EFCAB7: variants seen among roughly 807,000 people sequenced by gnomAD.
EFCAB7 encodes the protein EF-hand calcium-binding domain-containing protein 7.
EFCAB7 carries 66 observed loss-of-function variants against 77.1 expected under a neutral mutation model. That is an observed-to-expected ratio of 0.86 (90% CI 0.70 to 1.05). The LOEUF is 1.05. Among genes scored for constraint, EFCAB7 ranks in the 50% least tolerant of loss-of-function variants. The probability of loss-of-function intolerance (pLI) is 0.00; values close to 1 mark genes in which losing one functional copy is unlikely to be tolerated. For synonymous variants in EFCAB7, 225 were observed against 243.3 expected (o/e 0.92, Z 0.70); for missense variants, 638 against 730.5 (o/e 0.87, Z 1.46).
At position 63,555,348 on chromosome 1, in the gene EFCAB7, T is replaced by C. The variant is rs1400873158; in HGVS notation, c.1057-10T>C. 1 of 1,597,456 alleles carries C rather than the reference T, an allele frequency of 6.3e-7. No individual in the cohort carries two copies. Among genetic ancestry groups the C allele is most frequent in the Non-Finnish European group, 8.5e-7 (1 of 1,173,696 alleles). ...CTGATGATTGTTTTATTTCATTGTT[T>C]TGAGAAAAGGTGTTTGGATGGACTG... On this transcript the variant is annotated splice_polypyrimidine_tract_variant and intron_variant, in intron 8 of 13. Coordinates refer to ENST00000371088, the MANE Select transcript of EFCAB7 (RefSeq NM_032437.4).
chr1:63,524,912 A>C (rs1227742821), intron 1 of EFCAB7, among the ~76,000 whole-genome samples: 1 of 152,198 alleles, frequency 6.6e-6, no homozygotes, highest in Non-Finnish European at 1.5e-5. Context: ...TATTGTTATT[A>C]ATAAAGGAAC....
chr1:63,565,337 C>T (rs145237531), intron 11 of EFCAB7, among the ~76,000 whole-genome samples: 1,832 of 149,554 alleles, frequency 0.012, 30 homozygotes, highest in African/African-American at 0.043. Flanking sequence ...CCAGCCTGGG[C>T]GAGAGTGCGA....
downstream of EFCAB7, among the ~76,000 whole-genome samples, chr1:63,577,247 A>T (rs1557694311): frequency 6.6e-6 from 1 of 152,168 alleles, no homozygotes; most frequent in Non-Finnish European, 1.5e-5. Flanking sequence ...GTATGGTTCC[A>T]TTTCTCAAAA....
chr1:63,571,154 C>G (rs749117401), intron 13 of EFCAB7, 26 bp downstream of exon 13: 4 of 1,535,568 alleles, frequency 2.6e-6, no homozygotes, highest in Non-Finnish European at 3.5e-6. Flanking sequence ...CTAATTAAAG[C>G]CTTTTGTTTT....
chr1:63,547,202 G>A (rs1024239248), intron 7 of EFCAB7: 8 of 152,118 alleles, frequency 5.3e-5, no homozygotes, highest in African/African-American at 1.7e-4. Flanking sequence ...CAAATTCAGT[G>A]TAGTTGTTAA....
At chr1:63,561,957 T>G in intron 11 of EFCAB7, 100 bp downstream of exon 11, 3 of 820,062 alleles carry the variant, frequency 3.7e-6, no homozygotes, top group Non-Finnish European at 3.4e-6. Context: ...GGCACCCAAA[T>G]CTTTGAACTT....
chr1:63,551,515 C>A (rs966004500), intron 7 of EFCAB7, among the ~76,000 whole-genome samples: 1 of 151,824 alleles, frequency 6.6e-6, no homozygotes. Flanking sequence ...CGCTTGAACC[C>A]GGGAGGTGGA....
Position 63,572,563 on chromosome 1 carries a change from G to T in EFCAB7, c.*47G>T. ...CAAACTAAGAATTATTTCAGATTTAGTCTGTTATTTATTAAACAACTAAAT... is the reference window on the plus strand; with the variant it reads ...CAAACTAAGAATTATTTCAGATTTATTCTGTTATTTATTAAACAACTAAAT... On this transcript the variant is annotated 3_prime_UTR_variant, in exon 14 of 14. Transcript: ENST00000371088. 7.5e-7 allele frequency: 1 copy of T among 1,334,262 alleles called. No homozygotes were observed. The highest frequency in any genetic ancestry group is 1.0e-6 in the Non-Finnish European group (1 of 996,980). The allele number at this position is 1,334,262 out of a possible 1,614,324, so 82.7% of individuals were successfully genotyped here.
chr1:63,532,693 A>G lies in EFCAB7; in HGVS notation c.423A>G (p.Glu141=), dbSNP rs199986363. The change falls in exon 4 of 14, where the codon GAA becomes GAG. Residue 141 remains glutamate, a synonymous_variant. Transcript: ENST00000371088. ...AGAGAGGTGAGAAGATGACTCGAGA[A>G]GAAGTAAATGCCATAATAAATTTGG... The part of the protein sequence containing the change: ...LTKRGEKMTR[E]EVNAIINLAD... 15 of 1,602,762 alleles carry G rather than the reference A, an allele frequency of 9.4e-6. No individual in the cohort carries two copies. In the East Asian group the frequency reaches 2.9e-4, roughly 31 times the overall value.
At chr1:63,551,694 A>T in intron 7 of EFCAB7, 31 bp from the exon 8 acceptor site, 1 of 1,173,766 alleles carries the variant, frequency 8.5e-7, no homozygotes, top group South Asian at 1.7e-5. Context: ...TGCTTATTTT[A>T]AGGTGTTTGG....
chr1:63,567,742 GAGGCAA>G (rs2100927584), intron 11 of EFCAB7, among the ~76,000 whole-genome samples: 1 of 152,310 alleles, frequency 6.6e-6, no homozygotes, highest in East Asian at 1.9e-4. Context: ...GTTGGATGGA[GAGGCAA>G]AGGCTCTTTA....
At chr1:63,570,942 C>G in intron 12 of EFCAB7, 79 bp from the exon 13 acceptor site, 1 of 985,558 alleles carries the variant, frequency 1.0e-6, no homozygotes, top group Non-Finnish European at 1.5e-6. Context: ...AACAGAATTT[C>G]AGGGTTTATT....
chr1:63,534,045 T>C, intron 5 of EFCAB7, 50 bp from the exon 6 acceptor site: 8 of 1,606,138 alleles, frequency 5.0e-6, no homozygotes, highest in Non-Finnish European at 6.8e-6. Flanking sequence ...AAAAAACTCC[T>C]ATTGACAACT....
intron 6 of EFCAB7, among the ~76,000 whole-genome samples, chr1:63,539,369 TA>T (rs1646801683): frequency 6.6e-6 from 1 of 152,186 alleles, no homozygotes; most frequent in South Asian, 2.1e-4. Context: ...ATTTTTAAAG[TA>T]AGAAAACCAA....
chr1:63,562,971 G>A (rs1439527374), intron 11 of EFCAB7, among the ~76,000 whole-genome samples: 1 of 151,964 alleles, frequency 6.6e-6, no homozygotes, highest in Non-Finnish European at 1.5e-5. Flanking sequence ...TTTGGTGAGA[G>A]GTTCTCTATT....
chr1:63,577,757 A>G, the EFCAB7 span, among the ~76,000 whole-genome samples: 2 of 152,210 alleles, frequency 1.3e-5, no homozygotes, highest in Admixed American at 1.3e-4. Context: ...AGGGAATAAT[A>G]TTAAATCTTA....
intron 2 of EFCAB7, 48 bp downstream of exon 2, chr1:63,525,807 A>G (rs1377878149): frequency 7.7e-7 from 1 of 1,298,146 alleles, no homozygotes; most frequent in Non-Finnish European, 1.0e-6. Context: ...TTGAAAGTTA[A>G]TAAATAGGTC....
chr1:63,541,946 T>C (rs892899035), intron 6 of EFCAB7, among the ~76,000 whole-genome samples: 2 of 152,192 alleles, frequency 1.3e-5, no homozygotes, highest in African/African-American at 4.8e-5. Context: ...TGGTAAAATA[T>C]ACAAAACATA....
intron 6 of EFCAB7, among the ~76,000 whole-genome samples, chr1:63,535,207 T>C (rs1265650450): frequency 1.3e-5 from 2 of 152,072 alleles, no homozygotes; most frequent in African/African-American, 4.8e-5. Context: ...TGGATTATGT[T>C]AAGTTATAGT....
Sources: allele counts gnomAD v4.1 joint callset (sites outside exome capture counted in the v4.1 genomes callset), GRCh38; gene constraint gnomAD v4.1.1; transcripts MANE v1.5; gene names NCBI Gene and HGNC (gene_info 2026-07-23, HGNC 2026-07-21).